The following ASXL2 variants were observed in gnomAD, a reference collection of about 807,000 sequenced individuals.
The protein encoded by ASXL2 is ASXL transcriptional regulator 2.
ASXL2 carries 23 observed loss-of-function variants against 122.0 expected under a neutral mutation model. That is an observed-to-expected ratio of 0.19 (90% CI 0.14 to 0.27). The LOEUF (loss-of-function observed/expected upper bound fraction) is 0.27. Among genes scored for constraint, ASXL2 ranks in the 10% least tolerant of loss-of-function variants. The pLI, the probability that ASXL2 is intolerant of heterozygous loss-of-function variation, is 1.00. For synonymous variants in ASXL2, 650 were observed against 637.0 expected (o/e 1.02, Z -0.31); for missense variants, 1,518 against 1,713.8 (o/e 0.89, Z 2.02).
At chr2:25,775,055 T>C (rs2088523308) in intron 5 of ASXL2, among the ~76,000 whole-genome samples, 1 of 152,206 alleles carries the variant, frequency 6.6e-6, no homozygotes, top group Admixed American at 6.5e-5. Context: ...GTTTTTTATG[T>C]ATGCTAGATA....
intron 1 of ASXL2, among the ~76,000 whole-genome samples, chr2:25,870,481 G>A (rs181544452): frequency 1.3e-5 from 2 of 152,210 alleles, no homozygotes; most frequent in African/African-American, 4.8e-5. Flanking sequence ...CCAAGATTGC[G>A]CCACTGCAGT....
At chr2:25,772,376 GA>G (rs1284023905) in intron 5 of ASXL2, among the ~76,000 whole-genome samples, 1 of 152,138 alleles carries the variant, frequency 6.6e-6, no homozygotes, top group African/African-American at 2.4e-5. Context: ...TAGTTGGACT[GA>G]AAAGGCCCAA....
At chr2:25,779,750 A>G (rs1357935397) in intron 5 of ASXL2, among the ~76,000 whole-genome samples, 3 of 152,254 alleles carry the variant, frequency 2.0e-5, no homozygotes, top group African/African-American at 7.2e-5. Flanking sequence ...ATATAAGTCT[A>G]GCTCTCTTCC....
intron 8 of ASXL2, among the ~76,000 whole-genome samples, chr2:25,759,931 G>A (rs1183076651): frequency 6.6e-6 from 1 of 152,116 alleles, no homozygotes; most frequent in Non-Finnish European, 1.5e-5. Flanking sequence ...TTTTATGTTT[G>A]AGACTAGATT....
At chr2:25,828,848 A>AAC (rs35120438) in intron 3 of ASXL2, among the ~76,000 whole-genome samples, 1 of 150,296 alleles carries the variant, frequency 6.7e-6, no homozygotes, top group African/African-American at 2.4e-5. Context: ...AAAAAAAAAA[A>AAC]CAACAACCTT....
At chr2:25,810,511 ACCTCAG>A in intron 3 of ASXL2, 2 of 746,108 alleles carry the variant, frequency 2.7e-6, no homozygotes, top group East Asian at 2.6e-5. Flanking sequence ...CAAGGAGGCC[ACCTCAG>A]CCTCAGCCTG....
intron 1 of ASXL2, among the ~76,000 whole-genome samples, chr2:25,857,164 C>A (rs895921650): frequency 2.7e-5 from 4 of 150,558 alleles, no homozygotes; most frequent in African/African-American, 9.8e-5. Flanking sequence ...ATGTGGTAAG[C>A]CATGTGGTGA....
At chr2:25,823,250 C>T (rs918443351) in intron 3 of ASXL2, among the ~76,000 whole-genome samples, 5 of 152,148 alleles carry the variant, frequency 3.3e-5, no homozygotes, top group African/African-American at 1.2e-4. Context: ...TAAATAAAAA[C>T]ATCTCACCAC....
chr2:25,857,919 C>G (rs1331654062), intron 1 of ASXL2, among the ~76,000 whole-genome samples: 1 of 152,110 alleles, frequency 6.6e-6, no homozygotes, highest in Non-Finnish European at 1.5e-5. Context: ...GTCACCCAGG[C>G]TGGAGTGCAG....
chr2:25,862,911 G>C (rs1030525566), intron 1 of ASXL2, among the ~76,000 whole-genome samples: 1 of 151,928 alleles, frequency 6.6e-6, no homozygotes, highest in Non-Finnish European at 1.5e-5. Flanking sequence ...CAGCCAAAAC[G>C]TAAGATTTTT....
intron 1 of ASXL2, chr2:25,856,596 C>A (rs2089781720): frequency 1.6e-6 from 2 of 1,215,378 alleles, no homozygotes; most frequent in African/African-American, 3.0e-5. Flanking sequence ...CTTGATCTGT[C>A]CTGTGCAGAG....
chr2:25,856,599 G>C (rs1162885832), intron 1 of ASXL2: 13 of 1,217,150 alleles, frequency 1.1e-5, no homozygotes, highest in African/African-American at 1.5e-5. Context: ...GATCTGTCCT[G>C]TGCAGAGCCC....
chr2:25,767,775 C>T (rs2088378913), intron 7 of ASXL2, 49 bp from the exon 8 acceptor site: 1 of 1,590,022 alleles, frequency 6.3e-7, no homozygotes, highest in Non-Finnish European at 8.6e-7. Context: ...AGATTATAGA[C>T]AGAATCAATT....
At chr2:25,822,888 G>T in intron 3 of ASXL2, 1 of 547,646 alleles carries the variant, frequency 1.8e-6, no homozygotes, top group Non-Finnish European at 3.7e-6. Context: ...TTGACCAGAA[G>T]TAGATGGAGC....
In ASXL2 at chr2:25,744,244, C is replaced by A. The variant is rs1465861631; in HGVS notation, c.2093G>T (p.Gly698Val). 1 of 1,614,014 alleles carries A rather than the reference C, an allele frequency of 6.2e-7. No homozygotes were observed. Among genetic ancestry groups the A allele is most frequent in the South Asian group, 1.1e-5 (1 of 91,086 alleles). ...GTIPGPGPGG[G>V]QGPGEGGEGQ... ...TTCACCACCCTCTCCTGGACCTTGT[C>A]CACCCCCTGGGCCAGGTCCTGGAAT... Residue 698 changes from glycine to valine, a missense_variant, in exon 13 of 13, where the codon GGA becomes GTA. Gly to Val is a moderately radical substitution (Grantham distance 109, BLOSUM62 -3). Coordinates refer to ENST00000435504, the MANE Select transcript of ASXL2 (RefSeq NM_018263.6). The surrounding 1 kb of genome is among the most constrained non-coding windows in gnomAD (Gnocchi z 4.7).
chr2:25,799,652 CAGT>C, intron 4 of ASXL2, 117 bp from the exon 5 acceptor site: 1 of 1,216,344 alleles, frequency 8.2e-7, no homozygotes, highest in Non-Finnish European at 1.1e-6. Flanking sequence ...CTATAGGATT[CAGT>C]AGCAGAACCA....
Position 25,744,474 on chromosome 2 carries a change from G to C in ASXL2, c.1863C>G (p.Ile621Met). The change falls in exon 13 of 13, where the codon ATC becomes ATG. Residue 621 changes from isoleucine (I) to methionine (M), a missense_variant and splice_region_variant. This residue lies in a region of ASXL2 where 292 missense variants were observed against 293.5 expected (regional missense o/e 1.00). Transcript: ENST00000435504. The surrounding 1 kb of genome is among the most constrained non-coding windows in gnomAD (Gnocchi z 4.7). ...IQVRKVPPLK[I>M]PVSRISPMPF... ...GCATGGGGGAGATTCTGGAGACCGG[G>C]ATCTGAAAGAAGTAGAGGGGAAAAA... is the stretch of plus-strand genomic sequence containing the variant. 1 of 1,589,100 alleles carries C rather than the reference G, an allele frequency of 6.3e-7. No individual in the cohort carries two copies.
At chr2:25,816,031 C>T (rs924101664) in intron 3 of ASXL2, among the ~76,000 whole-genome samples, 1 of 152,134 alleles carries the variant, frequency 6.6e-6, no homozygotes, top group Non-Finnish European at 1.5e-5. Flanking sequence ...AGGTAAGATG[C>T]TACCCAAATC....
Position 25,741,959 on chromosome 2 carries a change from G to C in ASXL2, c.*70C>G. ...CTTGTTTATTTCTGTGATTCCAAAA[G>C]GACGCAAAAAACCCAACTGGTCAAC... On this transcript the variant is annotated 3_prime_UTR_variant, in exon 13 of 13. Transcript: ENST00000435504. 1.4e-6 allele frequency: 2 copies of C among 1,436,242 alleles called. No homozygotes were observed. The highest frequency in any genetic ancestry group is 1.9e-6 in the Non-Finnish European group (2 of 1,057,064). 89.0% of individuals were successfully genotyped at this position (1,436,242 alleles called of 1,614,324 possible).
Sources: gnomAD v4.1 joint callset for allele counts (sites outside exome capture counted in the v4.1 genomes callset) on GRCh38, gnomAD v4.1.1 for gene constraint, gnomAD v4.1.1 regional missense constraint, Gnocchi (gnomAD v3.1) non-coding constraint, MANE v1.5 for transcripts, NCBI Gene and HGNC (gene_info 2026-07-23, HGNC 2026-07-21) for gene names.